Variants in SLC1A6 observed in about 807,000 individuals in gnomAD.
SLC1A6 encodes the protein excitatory amino acid transporter 4.
A neutral mutation model predicts 42.1 loss-of-function variants in SLC1A6; 15 were observed. That is an observed-to-expected ratio of 0.36 (90% CI 0.24 to 0.55). The LOEUF (loss-of-function observed/expected upper bound fraction) is 0.55, where lower values mean the gene tolerates loss of function less well. Ranked by LOEUF, SLC1A6 falls within the 20% of genes least tolerant of loss-of-function variation. The pLI is 0.88. For synonymous variants in SLC1A6, 317 were observed against 319.7 expected (o/e 0.99, Z 0.09); for missense variants, 542 against 772.5 (o/e 0.70, Z 3.54).
chr19:15,005,746 G>GGTGTCAGCGTGTTA (rs752834434), intron 1 of SLC1A6, among the ~76,000 whole-genome samples: 2 of 152,186 alleles, frequency 1.3e-5, no homozygotes, highest in Non-Finnish European at 2.9e-5. Flanking sequence ...GCAGCGTGTT[G>GGTGTCAGCGTGTTA]GTGTCAGCGT....
chr19:15,005,963 T>A (rs1251130761), intron 1 of SLC1A6, among the ~76,000 whole-genome samples: 1 of 152,216 alleles, frequency 6.6e-6, no homozygotes, highest in African/African-American at 2.4e-5. Context: ...ATCCCCTGGT[T>A]GGGAAGGTGG....
At position 15,010,338 on chromosome 19, in the gene SLC1A6, A is replaced by T. The variant is rs2045920434; in HGVS notation, c.6+147T>A. On this transcript the variant is annotated intron_variant, in intron 1 of 8. Coordinates refer to the SLC1A6 transcript ENST00000430939. Reference sequence around the variant, plus strand: ...AGACTGCAAAGTGGCCAGCCATGGGAGTATTCTACCTGTGGGAACAGCAAG... The same window carrying T: ...AGACTGCAAAGTGGCCAGCCATGGGTGTATTCTACCTGTGGGAACAGCAAG... 23 of 291,712 alleles carry T rather than the reference A, an allele frequency of 7.9e-5. 1 individual carries two copies. Among genetic ancestry groups the T allele is most frequent in the South Asian group, 6.3e-4 (23 of 36,630 alleles). 18.1% of individuals were successfully genotyped at this position (291,712 alleles called of 1,614,324 possible).
intron 6 of SLC1A6, among the ~76,000 whole-genome samples, chr19:14,957,113 C>T (rs1341238198): frequency 6.6e-6 from 1 of 152,130 alleles, no homozygotes; most frequent in Non-Finnish European, 1.5e-5. Flanking sequence ...ATCTTCTGCC[C>T]CCAACTGTTT....
upstream of SLC1A6, among the ~76,000 whole-genome samples, chr19:14,984,083 G>A (rs62113324): frequency 0.12 from 18,756 of 152,118 alleles, 1,326 homozygotes; most frequent in African/African-American, 0.21. Flanking sequence ...GCTGAGGCGG[G>A]CGGATCATCT....
intron 1 of SLC1A6, among the ~76,000 whole-genome samples, chr19:15,005,500 A>C (rs1234920805): frequency 2.0e-5 from 3 of 151,992 alleles, no homozygotes; most frequent in Non-Finnish European, 4.4e-5. Context: ...CAAGAGTGAA[A>C]CTCCTTCTCA....
At chr19:14,954,807 C>A (rs1224795154) in intron 7 of SLC1A6, among the ~76,000 whole-genome samples, 1 of 152,154 alleles carries the variant, frequency 6.6e-6, no homozygotes, top group African/African-American at 2.4e-5. Flanking sequence ...GAGGGTCTCC[C>A]AAGCTGAAGA....
chr19:14,991,853 T>A lies in SLC1A6; in HGVS notation c.6+18632A>T, dbSNP rs111292991. ...TTCTGCTTTTTTCTTTTTTTTTTTT[T>A]TCTAGAGGGAGTCTTGCTCTGTCAC... On this transcript the variant is annotated intron_variant, in intron 1 of 8. Coordinates refer to the SLC1A6 transcript ENST00000430939. 2.1e-3 allele frequency among the ~76,000 whole-genome samples: 313 copies of A among 149,690 alleles called. 3 individuals are homozygous for A. Among genetic ancestry groups the A allele is most frequent in the African/African-American group, 3.7e-3 (150 of 40,812 alleles).
chr19:14,989,204 C>G (rs879333516), intron 1 of SLC1A6, among the ~76,000 whole-genome samples: 3 of 152,080 alleles, frequency 2.0e-5, no homozygotes, highest in Admixed American at 6.6e-5. Flanking sequence ...AAAGCCTAGA[C>G]TTTAAGAGTA....
intron 1 of SLC1A6, among the ~76,000 whole-genome samples, chr19:14,986,125 A>G (rs1480605332): frequency 1.3e-5 from 2 of 150,210 alleles, no homozygotes; most frequent in Non-Finnish European, 3.0e-5. Context: ...TGTCTTGGAG[A>G]CAGCTACCAT....
rs1398546460 is a variant in SLC1A6, at chr19:14,954,462, C to T, written c.1170-133G>A. On this transcript the variant is annotated intron_variant, in intron 7 of 9. Coordinates refer to ENST00000594383, the MANE Select transcript of SLC1A6 (RefSeq NM_005071.3). ...GAAAGGCTGGGGAACAGGGCGTGAC[C>T]TAGTGGGGTACGGCTGAGAATGGGT... 4 of 773,540 alleles carry T rather than the reference C, an allele frequency of 5.2e-6. No individual in the cohort carries two copies. In the Admixed American group the frequency reaches 8.6e-5, roughly 17 times the overall value. The allele number at this position is 773,540 out of a possible 1,614,324, so 47.9% of individuals were successfully genotyped here.
intron 7 of SLC1A6, 98 bp downstream of exon 7, chr19:14,956,378 G>A: frequency 1.4e-6 from 1 of 707,866 alleles, no homozygotes. Context: ...ACTCAGAAGA[G>A]GTGTTTAAGG....
At chr19:14,955,553 A>G (rs1346042731) in intron 7 of SLC1A6, among the ~76,000 whole-genome samples, 1 of 151,886 alleles carries the variant, frequency 6.6e-6, no homozygotes, top group Non-Finnish European at 1.5e-5. Flanking sequence ...TGGGAAGTGG[A>G]GGTTGCAGTG....
At chr19:14,960,308 A>G (rs915546704) in intron 6 of SLC1A6, among the ~76,000 whole-genome samples, 2 of 152,246 alleles carry the variant, frequency 1.3e-5, no homozygotes, top group Non-Finnish European at 2.9e-5. Context: ...ATGAATTAGA[A>G]TGAATAAATG....
At chr19:14,992,509 G>C (rs1028270438) in intron 1 of SLC1A6, among the ~76,000 whole-genome samples, 21 of 152,000 alleles carry the variant, frequency 1.4e-4, no homozygotes, top group African/African-American at 5.1e-4. Flanking sequence ...GGGAGGCCGA[G>C]GCAGGCAGAC....
chr19:14,954,097 G>T, intron 8 of SLC1A6, 38 bp downstream of exon 8: 1 of 1,433,358 alleles, frequency 7.0e-7, no homozygotes, highest in Non-Finnish European at 9.6e-7. Flanking sequence ...GACCGCTTAA[G>T]TCTCACCTGC....
At chr19:15,006,639 T>C (rs934498781) in intron 1 of SLC1A6, among the ~76,000 whole-genome samples, 1 of 151,490 alleles carries the variant, frequency 6.6e-6, no homozygotes, top group Non-Finnish European at 1.5e-5. Flanking sequence ...TACGAAAATA[T>C]TTGGACAGGC....
intron 1 of SLC1A6, chr19:14,977,450 A>G (rs1221472208): frequency 2.6e-5 from 4 of 152,076 alleles, no homozygotes; most frequent in Admixed American, 6.6e-5. Context: ...ATTTGCTGAA[A>G]AAATTTGCTG....
In SLC1A6 at chr19:14,954,138, A is replaced by G; in HGVS notation, c.1361T>C (p.Ile454Thr). 1 of 1,592,934 alleles carries G rather than the reference A, an allele frequency of 6.3e-7. No homozygotes were observed. The highest frequency in any genetic ancestry group is 8.6e-7 in the Non-Finnish European group (1 of 1,168,078). Residue 454 changes from isoleucine to threonine, a missense_variant, in exon 8 of 10, where the codon ATC (isoleucine) becomes ACC (threonine). Physicochemically the swap from Ile to Thr is moderately conservative, Grantham distance 89. Coordinates refer to ENST00000594383, the MANE Select transcript of SLC1A6 (RefSeq NM_005071.3). ...YELNLGQITT[I>T]SITATAASVG... ...GGTCCTACCCAAGCCCCCTCACCTG[A>G]TGGTTGTGATCTGACCCAGGTTGAG... is the stretch of plus-strand genomic sequence containing the variant.
At chr19:14,995,060 C>T (rs2045838542) in intron 1 of SLC1A6, among the ~76,000 whole-genome samples, 1 of 152,056 alleles carries the variant, frequency 6.6e-6, no homozygotes, top group Admixed American at 6.5e-5. Flanking sequence ...TGTGGTGGCT[C>T]ACACCTGTAA....
Sources: allele counts gnomAD v4.1 joint callset (sites outside exome capture counted in the v4.1 genomes callset), GRCh38; gene constraint gnomAD v4.1.1; transcripts MANE v1.5; gene names NCBI Gene and HGNC (gene_info 2026-07-23, HGNC 2026-07-21).